The following SNX30 variants were observed in gnomAD, a reference collection of about 807,000 sequenced individuals.
SNX30 encodes the protein sorting nexin-30.
SNX30 carries 24 observed loss-of-function variants against 46.4 expected under a neutral mutation model. The observed-to-expected ratio is 0.52, with a 90% confidence interval of 0.37 to 0.73. The LOEUF is 0.73. Ranked by LOEUF, SNX30 falls within the 30% of genes least tolerant of loss-of-function variation. The pLI is 0.00. For synonymous variants in SNX30, 189 were observed against 211.5 expected (o/e 0.89, Z 0.92); for missense variants, 533 against 555.7 (o/e 0.96, Z 0.41).
chr9:112,751,455 C>T (rs896897954), intron 1 of SNX30, among the ~76,000 whole-genome samples: 2 of 152,220 alleles, frequency 1.3e-5, no homozygotes, highest in Admixed American at 1.3e-4. Flanking sequence ...GGCAGGGCGC[C>T]TGTGTCCTCG....
chr9:112,783,893 A>G (rs1839882235), intron 1 of SNX30, among the ~76,000 whole-genome samples: 1 of 152,210 alleles, frequency 6.6e-6, no homozygotes, highest in South Asian at 2.1e-4. Flanking sequence ...GGGTAAGAAT[A>G]TGTTAAGGTG....
chr9:112,863,314 T>C (rs1043241220), intron 7 of SNX30, among the ~76,000 whole-genome samples: 7 of 152,224 alleles, frequency 4.6e-5, no homozygotes, highest in Non-Finnish European at 8.8e-5. Flanking sequence ...GGGATACATT[T>C]GGCAGGTCGG....
intron 1 of SNX30, among the ~76,000 whole-genome samples, chr9:112,787,601 T>C (rs1003434156): frequency 6.6e-6 from 1 of 152,070 alleles, no homozygotes; most frequent in African/African-American, 2.4e-5. Flanking sequence ...CTAGGTATTT[T>C]TGAGGCTCTA....
At chr9:112,767,127 T>TTTC (rs1839554170) in intron 1 of SNX30, among the ~76,000 whole-genome samples, 1 of 151,490 alleles carries the variant, frequency 6.6e-6, no homozygotes, top group South Asian at 2.1e-4. Flanking sequence ...TTATTTTATT[T>TTTC]TTTTTTTTTG....
chr9:112,824,695 T>C (rs1840554906), intron 3 of SNX30, among the ~76,000 whole-genome samples: 1 of 152,306 alleles, frequency 6.6e-6, no homozygotes. Context: ...CTTTTCTAGC[T>C]CTTGGGGCTG....
downstream of SNX30, among the ~76,000 whole-genome samples, chr9:112,876,906 A>T (rs942834446): frequency 6.8e-6 from 1 of 147,156 alleles, no homozygotes; most frequent in African/African-American, 2.5e-5. Flanking sequence ...ACTGCACTAC[A>T]GCCTGGGCAA....
chr9:112,795,773 A>T (rs895688374), intron 1 of SNX30, among the ~76,000 whole-genome samples: 3 of 151,680 alleles, frequency 2.0e-5, no homozygotes, highest in South Asian at 2.1e-4. Context: ...AGTCACACAC[A>T]CACACACACA....
chr9:112,847,362 C>T (rs1202008602), intron 6 of SNX30, among the ~76,000 whole-genome samples: 2 of 152,142 alleles, frequency 1.3e-5, no homozygotes, highest in African/African-American at 4.8e-5. Context: ...CAACTCCCAC[C>T]CTGTGGTTTA....
In SNX30 at chr9:112,865,663, G is replaced by GTA. The variant is rs1487070504; in HGVS notation, c.1254+1266_1254+1267dup. 9.3e-4 allele frequency among the ~76,000 whole-genome samples: 68 copies of GTA among 73,472 alleles called. 3 individuals carry two copies. The highest frequency in any genetic ancestry group is 1.7e-3 in the Non-Finnish European group (61 of 34,936). The allele number at this position is 73,472 out of a possible 152,430, so 48.2% of individuals were successfully genotyped here. On this transcript the variant is annotated intron_variant, in intron 8 of 8. Transcript: ENST00000374232. ...TATATATATATATATATATATATAT[G>GTA]TATGTATGTATGCACACACACACAC... is the stretch of plus-strand genomic sequence containing the variant.
chr9:112,773,421 G>A (rs542343166), intron 1 of SNX30, among the ~76,000 whole-genome samples: 11 of 151,504 alleles, frequency 7.3e-5, no homozygotes, highest in African/African-American at 2.4e-4. Context: ...ATAGGATCTC[G>A]CTTTGTCATT....
intron 2 of SNX30, 32 bp from the exon 3 acceptor site, chr9:112,817,672 TA>T (rs1456165521): frequency 7.8e-7 from 1 of 1,284,684 alleles, no homozygotes; most frequent in Non-Finnish European, 1.1e-6. Context: ...GCTATTCCCT[TA>T]TGCTTATTTT....
intron 1 of SNX30, among the ~76,000 whole-genome samples, chr9:112,793,258 A>G (rs1840054888): frequency 6.6e-6 from 1 of 152,182 alleles, no homozygotes; most frequent in Admixed American, 6.5e-5. Context: ...CCATCTCAGT[A>G]GAGCTCAGTC....
rs901268676 is a variant in SNX30 at position 112,870,201 on chromosome 9, G to A, written c.*1358G>A. On this transcript the variant is annotated 3_prime_UTR_variant, in exon 9 of 9. Coordinates refer to ENST00000374232, the MANE Select transcript of SNX30 (RefSeq NM_001012994.2). ...TTTTTCTGCTGAAATGAAGCTACATGTCATGTTTGTGTTCTTTCATCTGTG... is the reference window on the plus strand; with the variant it reads ...TTTTTCTGCTGAAATGAAGCTACATATCATGTTTGTGTTCTTTCATCTGTG... 2 of 152,002 alleles carry A rather than the reference G, an allele frequency of 1.3e-5. No individual in the cohort carries two copies. Among genetic ancestry groups the A allele is most frequent in the South Asian group, 2.1e-4 (1 of 4,822 alleles). The allele number at this position is 152,002 out of a possible 1,614,324, so 9.4% of individuals were successfully genotyped here.
intron 1 of SNX30, among the ~76,000 whole-genome samples, chr9:112,760,265 G>A (rs1346805757): frequency 1.3e-5 from 2 of 152,280 alleles, no homozygotes; most frequent in East Asian, 3.9e-4. Flanking sequence ...GGGTCATTGA[G>A]CAGGAGCTGG....
chr9:112,771,299 G>T (rs1163256315), intron 1 of SNX30, among the ~76,000 whole-genome samples: 1 of 152,196 alleles, frequency 6.6e-6, no homozygotes, highest in African/African-American at 2.4e-5. Context: ...ACCTGTTGCA[G>T]TATTATTTTT....
chr9:112,831,713 C>T (rs757446843), intron 4 of SNX30, among the ~76,000 whole-genome samples: 28 of 152,214 alleles, frequency 1.8e-4, no homozygotes, highest in Non-Finnish European at 3.7e-4. Context: ...CCAGATAAAA[C>T]ATTTGGGTCC....
chr9:112,781,575 C>G (rs970052273), intron 1 of SNX30, among the ~76,000 whole-genome samples: 3 of 152,018 alleles, frequency 2.0e-5, no homozygotes, highest in African/African-American at 7.2e-5. Flanking sequence ...GTCCAGCTGC[C>G]TGTTTTAGTA....
intron 6 of SNX30, among the ~76,000 whole-genome samples, chr9:112,849,807 G>C (rs1564290859): frequency 6.6e-6 from 1 of 152,140 alleles, no homozygotes; most frequent in Non-Finnish European, 1.5e-5. Flanking sequence ...TCACGCTGCT[G>C]GAAGGTCCCC....
chr9:112,819,566 C>T (rs1225353056), intron 3 of SNX30, among the ~76,000 whole-genome samples: 1 of 152,134 alleles, frequency 6.6e-6, no homozygotes, highest in Admixed American at 6.5e-5. Flanking sequence ...CACGCCCGGC[C>T]CAAGTTCCTT....
Sources: allele counts gnomAD v4.1 joint callset (sites outside exome capture counted in the v4.1 genomes callset), GRCh38; gene constraint gnomAD v4.1.1; transcripts MANE v1.5; gene names NCBI Gene and HGNC (gene_info 2026-07-23, HGNC 2026-07-21).